SUPT5H: variants seen among roughly 807,000 people sequenced by gnomAD.
SUPT5H encodes transcription elongation factor SPT5.
A neutral mutation model predicts 142.5 loss-of-function variants in SUPT5H; 24 were observed. The observed-to-expected ratio is 0.17, with a 90% confidence interval of 0.12 to 0.24. The LOEUF (loss-of-function observed/expected upper bound fraction) is 0.24, where lower values mean the gene tolerates loss of function less well. Ranked by LOEUF, SUPT5H falls within the 10% of genes least tolerant of loss-of-function variation. The pLI, the probability that SUPT5H is intolerant of heterozygous loss-of-function variation, is 1.00. For synonymous variants in SUPT5H, 546 were observed against 553.0 expected (o/e 0.99, Z 0.18); for missense variants, 893 against 1,471.8 (o/e 0.61, Z 6.43).
intron 2 of SUPT5H, among the ~76,000 whole-genome samples, chr19:39,449,583 G>A (rs890229394): frequency 2.6e-5 from 4 of 151,976 alleles, no homozygotes; most frequent in Non-Finnish European, 5.9e-5. Flanking sequence ...CATAGAGGAT[G>A]TGCCTGACTC....
chr19:39,469,902 G>A lies in SUPT5H; in HGVS notation c.1375-217G>A. 2 of 584,470 alleles carry A rather than the reference G, an allele frequency of 3.4e-6. No individual in the cohort carries two copies. The highest frequency in any genetic ancestry group is 3.1e-5 in the East Asian group (1 of 32,390). 36.2% of individuals were successfully genotyped at this position (584,470 alleles called of 1,614,324 possible). On this transcript the variant is annotated intron_variant, in intron 16 of 29. Transcript: ENST00000432763. This position sits in a 1 kb window ranked among gnomAD's most constrained non-coding sequence, Gnocchi z 5.1. Reference sequence around the variant, plus strand: ...CATCGTGTGTCTTGAGGGCGGGCTGGGGTAAAGGTTGTCCAGGTTGGTGTC... The same window carrying A: ...CATCGTGTGTCTTGAGGGCGGGCTGAGGTAAAGGTTGTCCAGGTTGGTGTC...
At chr19:39,463,951 G>A (rs932859197) in intron 10 of SUPT5H, among the ~76,000 whole-genome samples, 2 of 150,274 alleles carry the variant, frequency 1.3e-5, no homozygotes, top group African/African-American at 2.4e-5. Flanking sequence ...TTTGTCTGAT[G>A]TAAGCACTCC....
At chr19:39,462,273 C>T (rs1370302994) in intron 10 of SUPT5H, among the ~76,000 whole-genome samples, 3 of 152,016 alleles carry the variant, frequency 2.0e-5, no homozygotes, top group Non-Finnish European at 4.4e-5. Flanking sequence ...TATTCATAAC[C>T]ATCATCACCA....
At position 39,474,202 on chromosome 19, in the gene SUPT5H, A is replaced by T. The variant is rs1382599006; in HGVS notation, c.2652-32A>T. 1 of 1,613,402 alleles carries T rather than the reference A, an allele frequency of 6.2e-7. No homozygotes were observed. The highest frequency in any genetic ancestry group is 8.5e-7 in the Non-Finnish European group (1 of 1,179,802). ...CCACCTCTTTTCCCCTCCCTCCTCC[A>T]ACAAATGCCCCCTTCTCTCCTGTCT... On this transcript the variant is annotated intron_variant, in intron 26 of 29. Coordinates refer to ENST00000432763, the MANE Select transcript of SUPT5H (RefSeq NM_001111020.3). The surrounding 1 kb of genome is among the most constrained non-coding windows in gnomAD (Gnocchi z 6.5).
chr19:39,453,026 AAAAGAG>A (rs1375521947), intron 2 of SUPT5H, among the ~76,000 whole-genome samples: 1 of 151,492 alleles, frequency 6.6e-6, no homozygotes, highest in Non-Finnish European at 1.5e-5. Context: ...AAAAAAAAAA[AAAAGAG>A]AGAGAAAGAA....
intron 3 of SUPT5H, among the ~76,000 whole-genome samples, chr19:39,454,594 C>T (rs2079063637): frequency 1.3e-5 from 2 of 152,104 alleles, no homozygotes; most frequent in African/African-American, 4.8e-5. Context: ...CCCGCCCTGG[C>T]CTCCCAAAGT....
rs767884553 is a variant in SUPT5H, at chr19:39,474,110, G to A, written c.2640G>A (p.Gly880=). 1 of 1,599,614 alleles carries A rather than the reference G, an allele frequency of 6.3e-7. No homozygotes were observed. The highest frequency in any genetic ancestry group is 1.1e-5 in the South Asian group (1 of 89,022). The change falls in exon 26 of 30, where the codon GGG becomes GGA. Residue 880 remains glycine (G), a synonymous_variant. Coordinates refer to ENST00000432763, the MANE Select transcript of SUPT5H (RefSeq NM_001111020.3). This position sits in a 1 kb window ranked among gnomAD's most constrained non-coding sequence, Gnocchi z 6.5. ...VNPQYNPQTP[G]TPAMYNTDQF... Reference sequence around the variant, plus strand: ...CACAATACAACCCGCAGACGCCAGGGACGCCGGCCATGTGAGTCCACTGGG... The same window carrying A: ...CACAATACAACCCGCAGACGCCAGGAACGCCGGCCATGTGAGTCCACTGGG...
At position 39,453,479 on chromosome 19, in the gene SUPT5H, C is replaced by T. The variant is rs1317846641; in HGVS notation, c.199C>T (p.Pro67Ser). 6.5e-7 allele frequency: 1 copy of T among 1,549,712 alleles called. No homozygotes were observed. Among genetic ancestry groups the T allele is most frequent in the Non-Finnish European group, 8.7e-7 (1 of 1,145,770 alleles). Residue 67 changes from proline to serine, a missense_variant, in exon 3 of 30, where the codon CCC becomes TCC. Around this residue, in one of 6 missense-constraint regions of SUPT5H, gnomAD observed 19 missense variants for 27.2 expected, o/e 0.70. Transcript: ENST00000432763. Reference sequence around the variant, plus strand: ...GGAGGAAGAAGATGATGACCGACCCCCCAAGAAACCCCGCCATGGAGGCTT... The same window carrying T: ...GGAGGAAGAAGATGATGACCGACCCTCCAAGAAACCCCGCCATGGAGGCTT... ...EEEEEDDDRP[P>S]KKPRHGGFIL...
intron 10 of SUPT5H, among the ~76,000 whole-genome samples, chr19:39,463,218 T>TAA (rs1184687031): frequency 6.6e-6 from 1 of 151,108 alleles, no homozygotes; most frequent in Non-Finnish European, 1.5e-5. Flanking sequence ...GCCAGGCTGG[T>TAA]ATTGAACTCC....
chr19:39,473,991 G>A lies in SUPT5H; in HGVS notation c.2521G>A (p.Asp841Asn), dbSNP rs1377694698. ...RAEEEYEYAF[D>N]DEPTPSPQAY... The stretch of plus-strand genomic sequence containing the variant: ...TGAGGAAGAATATGAGTATGCTTTC[G>A]ATGATGAGCCCACCCCGTCCCCGCA... Residue 841 changes from aspartate to asparagine, a missense_variant, in exon 26 of 30, where the codon GAT (aspartate) becomes AAT (asparagine). Physicochemically the swap from Asp to Asn is conservative, Grantham distance 23. Transcript: ENST00000432763. The surrounding 1 kb of genome is among the most constrained non-coding windows in gnomAD (Gnocchi z 5.8). 1.9e-6 allele frequency: 3 copies of A among 1,613,732 alleles called. No individual in the cohort carries two copies. The highest frequency in any genetic ancestry group is 1.6e-4 in the Middle Eastern group (1 of 6,080).
Position 39,472,578 on chromosome 19 carries a change from C to T in SUPT5H, c.2035+85C>T. ...TGTTCAGCCTACACTCACTGAGTGC[C>T]TGTGCTGGGCTGGGCACTGCTATTA... On this transcript the variant is annotated intron_variant, in intron 21 of 29. Transcript: ENST00000432763. This position sits in a 1 kb window ranked among gnomAD's most constrained non-coding sequence, Gnocchi z 4.2. 3 of 1,494,480 alleles carry T rather than the reference C, an allele frequency of 2.0e-6. No homozygotes were observed. Among genetic ancestry groups the T allele is most frequent in the East Asian group, 2.3e-5 (1 of 43,290 alleles). The allele number at this position is 1,494,480 out of a possible 1,614,324, so 92.6% of individuals were successfully genotyped here.
rs368195530 is a variant in SUPT5H at position 39,476,092 on chromosome 19, C to T, written c.3036C>T (p.Cys1012=). Residue 1012 remains cysteine (C), a synonymous_variant, in exon 29 of 30, where the codon TGC becomes TGT. Coordinates refer to ENST00000432763, the MANE Select transcript of SUPT5H (RefSeq NM_001111020.3). The part of the protein sequence containing the change: ...GVIRSVTGGM[C]SVYLKDSEKV... ...TCCCCATCCTCCAGGGGGGCATGTGCTCTGTGTACCTGAAGGACAGTGAGA... is the reference window on the plus strand; with the variant it reads ...TCCCCATCCTCCAGGGGGGCATGTGTTCTGTGTACCTGAAGGACAGTGAGA... 8.8e-4 allele frequency: 1,419 copies of T among 1,614,116 alleles called. 29 individuals carry two copies. In the South Asian group the frequency reaches 0.013, roughly 15 times the overall value.
chr19:39,476,601 C>G lies in SUPT5H; in HGVS notation c.*202C>G. ...AGTCTGGGGGAGGGTCCCCACCTTC[C>G]TGTACCTCCTCCCCACAGCTTGCTT... On this transcript the variant is annotated 3_prime_UTR_variant, in exon 30 of 30. Transcript: ENST00000432763. 1 of 642,056 alleles carries G rather than the reference C, an allele frequency of 1.6e-6. No homozygotes were observed. 39.8% of individuals were successfully genotyped at this position (642,056 alleles called of 1,614,324 possible). A position where few individuals can be genotyped will look rare whatever the true frequency, so the allele number is the denominator to read the frequency against.
Position 39,445,876 on chromosome 19 carries a change from C to T in SUPT5H, c.-15C>T, listed in dbSNP as rs768137947. 6.2e-6 allele frequency: 10 copies of T among 1,612,832 alleles called. No homozygotes were observed. The highest frequency in any genetic ancestry group is 2.2e-5 in the East Asian group (1 of 44,886). On this transcript the variant is annotated 5_prime_UTR_variant, in exon 2 of 30. Coordinates refer to ENST00000432763, the MANE Select transcript of SUPT5H (RefSeq NM_001111020.3). ...GACGCGCCAAGGCTGCTGTCTTTCC[C>T]AGCAGCAGCGGAAGATGTCGGACAG... is the stretch of plus-strand genomic sequence containing the variant.
chr19:39,455,995 C>T lies in SUPT5H; in HGVS notation c.242-1680C>T, dbSNP rs190555318. Among the ~76,000 whole-genome samples the T allele has an allele frequency of 2.0e-3, 271 of 137,960 alleles. 3 individuals are homozygous for T. The highest frequency in any genetic ancestry group is 5.5e-3 in the East Asian group (25 of 4,566). 90.5% of individuals were successfully genotyped at this position (137,960 alleles called of 152,430 possible). ...ACCCTGGAGTGCAGTGGTGTGATCT[C>T]GGCTCACTGCAACCTCTGCCTCCCG... On this transcript the variant is annotated intron_variant, in intron 3 of 29. Coordinates refer to ENST00000432763, the MANE Select transcript of SUPT5H (RefSeq NM_001111020.3).
At chr19:39,450,520 A>G (rs2079008090) in intron 2 of SUPT5H, among the ~76,000 whole-genome samples, 1 of 152,202 alleles carries the variant, frequency 6.6e-6, no homozygotes, top group African/African-American at 2.4e-5. Context: ...AGTTGAGTGC[A>G]GCTGAGGCCT....
At chr19:39,454,356 GT>G (rs869183044) in intron 3 of SUPT5H, among the ~76,000 whole-genome samples, 305 of 26,194 alleles carry the variant, frequency 0.012, 1 homozygote, top group African/African-American at 0.074. Flanking sequence ...TGTTGTCGTT[GT>G]TTTTTTTTTT....
At chr19:39,457,020 T>C (rs1399150408) in intron 3 of SUPT5H, among the ~76,000 whole-genome samples, 1 of 152,256 alleles carries the variant, frequency 6.6e-6, no homozygotes, top group Non-Finnish European at 1.5e-5. Context: ...ATTATGTGCA[T>C]GTATTACGTT....
At chr19:39,459,846 TTCCTC>T in intron 9 of SUPT5H, 41 bp from the exon 10 acceptor site, 2 of 1,602,406 alleles carry the variant, frequency 1.2e-6, no homozygotes. Context: ...CCTGTGTCCT[TTCCTC>T]CATCCTGTCA....
Sources: gnomAD v4.1 joint callset for allele counts (sites outside exome capture counted in the v4.1 genomes callset) on GRCh38, gnomAD v4.1.1 for gene constraint, gnomAD v4.1.1 regional missense constraint, Gnocchi (gnomAD v3.1) non-coding constraint, MANE v1.5 for transcripts, NCBI Gene and HGNC (gene_info 2026-07-23, HGNC 2026-07-21) for gene names.